Variants in COL6A5 observed in about 807,000 individuals in gnomAD.
COL6A5 encodes collagen type VI alpha 5 chain.
In COL6A5, 48 loss-of-function variants were observed where a neutral mutation model predicts 65.6. The ratio of observed to expected loss-of-function variants is 0.73; its 90% CI spans 0.58 to 0.93. COL6A5 has a LOEUF of 0.93. Among genes scored for constraint, COL6A5 ranks in the 40% least tolerant of loss-of-function variants. COL6A5 has a pLI of 0.00. For missense variants in COL6A5, 914 were observed against 928.3 expected, an observed-to-expected ratio of 0.98 and a Z score of 0.20; for synonymous variants, 291 against 322.8, an observed-to-expected ratio of 0.90 and a Z score of 1.05.
chr3:130,369,936 C>T (rs781280432), intron 1 of COL6A5, among the ~76,000 whole-genome samples: 1 of 152,166 alleles, frequency 6.6e-6, no homozygotes, highest in Non-Finnish European at 1.5e-5. Flanking sequence ...AATTCCCAGT[C>T]AGCCTCTGAG....
At chr3:130,412,982 G>T (rs1380963036) in intron 20 of COL6A5, among the ~76,000 whole-genome samples, 1 of 152,172 alleles carries the variant, frequency 6.6e-6, no homozygotes, top group Non-Finnish European at 1.5e-5. Context: ...ATTGGTGGTC[G>T]AGATGTTCCA....
intron 25 of COL6A5, among the ~76,000 whole-genome samples, chr3:130,420,922 T>A (rs1937505765): frequency 6.6e-6 from 1 of 152,060 alleles, no homozygotes; most frequent in South Asian, 2.1e-4. Flanking sequence ...TGACCACCCC[T>A]CTGTTTCCTG....
rs768190774 is a variant in COL6A5, at chr3:130,426,238, C to T, written c.5188C>T (p.Pro1730Ser). The stretch of plus-strand genomic sequence containing the variant: ...GGGCATTAAAGGCATGGCAGGGCAG[C>T]CTGTATATTCTGTATGTATCTCCTT... Residue 1730 changes from proline to serine, a missense_variant and NMD_transcript_variant, in exon 30 of 42, where the codon CCT (proline) becomes TCT (serine). Pro to Ser is a moderately conservative substitution (Grantham distance 74, BLOSUM62 -1). Transcript: ENST00000312481. 5.2e-6 allele frequency: 8 copies of T among 1,551,146 alleles called. No individual in the cohort carries two copies. In the East Asian group the frequency reaches 2.0e-4, roughly 38 times the overall value.
intron 1 of COL6A5, among the ~76,000 whole-genome samples, chr3:130,351,884 A>G (rs1274592913): frequency 6.6e-6 from 1 of 152,214 alleles, no homozygotes; most frequent in African/African-American, 2.4e-5. Context: ...ACTATTCACA[A>G]TAGCAAAGAC....
chr3:130,481,166 A>T (rs1301034588), intron 7 of COL6A5, among the ~76,000 whole-genome samples: 1 of 151,858 alleles, frequency 6.6e-6, no homozygotes, highest in Non-Finnish European at 1.5e-5. Context: ...CATCTACATT[A>T]GGTATTTCTC....
At chr3:130,351,473 A>C (rs1934703439) in intron 1 of COL6A5, among the ~76,000 whole-genome samples, 1 of 152,158 alleles carries the variant, frequency 6.6e-6, no homozygotes, top group South Asian at 2.1e-4. Flanking sequence ...ACAAGAAAAA[A>C]ACCCCATCAA....
intron 1 of COL6A5, among the ~76,000 whole-genome samples, chr3:130,432,951 G>C (rs115435465): frequency 0.026 from 3,957 of 152,140 alleles, 163 homozygotes; most frequent in African/African-American, 0.092. Flanking sequence ...AGTATATTCA[G>C]ATTATCCATA....
chr3:130,453,279 G>A (rs563667912), intron 4 of COL6A5, among the ~76,000 whole-genome samples: 1 of 152,146 alleles, frequency 6.6e-6, no homozygotes, highest in African/African-American at 2.4e-5. Flanking sequence ...GTAAAGACAG[G>A]CATAAGAAAT....
exon 7 of COL6A5, chr3:130,391,432 C>T (rs780859426): frequency 1.3e-6 from 2 of 1,551,688 alleles, no homozygotes; most frequent in South Asian, 1.2e-5. Context: ...CTGGAGGGAA[C>T]ACCTACACTG....
exon 6 of COL6A5, chr3:130,469,119 A>T: frequency 6.2e-7 from 1 of 1,613,114 alleles, no homozygotes; most frequent in South Asian, 1.1e-5. Context: ...CAAATGAAAC[A>T]TCATCTCCAA....
intron 2 of COL6A5, among the ~76,000 whole-genome samples, 175 bp from the exon 3 acceptor site, chr3:130,376,062 G>A (rs574911572): frequency 6.6e-6 from 1 of 152,132 alleles, no homozygotes; most frequent in Non-Finnish European, 1.5e-5. Flanking sequence ...AAGCCCTTTT[G>A]TTTGACATTT....
intron 24 of COL6A5, among the ~76,000 whole-genome samples, chr3:130,417,782 C>G (rs1271042521): frequency 1.3e-5 from 2 of 152,132 alleles, no homozygotes; most frequent in Admixed American, 6.5e-5. Context: ...GAAGAACCCC[C>G]TGATGAGTTT....
exon 4 of COL6A5, chr3:130,379,468 C>T (rs1935909622): frequency 3.9e-6 from 6 of 1,551,304 alleles, no homozygotes; most frequent in Non-Finnish European, 5.2e-6. Context: ...CCTCGTGTTC[C>T]TGGTGGATGA....
chr3:130,416,827 T>G lies in COL6A5; in HGVS notation c.4887+8T>G. 2 of 1,434,472 alleles carry G rather than the reference T, an allele frequency of 1.4e-6. No individual in the cohort carries two copies. The highest frequency in any genetic ancestry group is 1.9e-6 in the Non-Finnish European group (2 of 1,061,488). 88.9% of individuals were successfully genotyped at this position (1,434,472 alleles called of 1,614,324 possible). ...GGACTTTTGGGGAAAAAAGTAGATA[T>G]TATTTCTGTTTTTTAATTCTTTTAA... On this transcript the variant is annotated splice_region_variant and intron_variant and NMD_transcript_variant, in intron 24 of 41. Coordinates refer to the COL6A5 transcript ENST00000312481.
At chr3:130,448,598 T>A (rs1289816694) in intron 4 of COL6A5, among the ~76,000 whole-genome samples, 3 of 152,158 alleles carry the variant, frequency 2.0e-5, no homozygotes, top group Non-Finnish European at 2.9e-5. Context: ...ATCCAGCCTC[T>A]GTAACACAGC....
At chr3:130,426,136 T>C in intron 29 of COL6A5, 78 bp from the exon 30 acceptor site, 1 of 1,393,106 alleles carries the variant, frequency 7.2e-7, no homozygotes, top group Non-Finnish European at 9.9e-7. Flanking sequence ...AAGTTTTTTG[T>C]TTTGTCTTGT....
At chr3:130,429,618 A>G (rs1353613855), upstream of COL6A5, 1 of 1,530,102 alleles carries the variant, frequency 6.5e-7, no homozygotes, top group East Asian at 2.5e-5. Context: ...CCCTGCTGAG[A>G]TCATTACTGC....
At chr3:130,472,047 G>A in intron 7 of COL6A5, 121 bp downstream of exon 40, 1 of 998,430 alleles carries the variant, frequency 1.0e-6, no homozygotes, top group Non-Finnish European at 1.4e-6. Context: ...GAGGATAAAA[G>A]AGGGGCTTAT....
chr3:130,378,111 CTA>C lies in COL6A5; in HGVS notation c.667+1277_667+1278del, dbSNP rs1448730640. Among the ~76,000 whole-genome samples, 6 of 152,172 alleles carry C rather than the reference CTA, an allele frequency of 3.9e-5. No individual in the cohort carries two copies. In the East Asian group the frequency reaches 9.7e-4, roughly 25 times the overall value. On this transcript the variant is annotated intron_variant and NMD_transcript_variant, in intron 3 of 41. Coordinates refer to the COL6A5 transcript ENST00000312481. The stretch of plus-strand genomic sequence containing the variant: ...CAGTTCATCCAGCTGTGCTTGGAGT[CTA>C]TGTTTTATGTGAATACGGTGTACTT...
Sources: allele counts gnomAD v4.1 joint callset (sites outside exome capture counted in the v4.1 genomes callset), GRCh38; gene constraint gnomAD v4.1.1; transcripts MANE v1.5; gene names NCBI Gene and HGNC (gene_info 2026-07-23, HGNC 2026-07-21).